The following SMIM36 variants were observed in gnomAD, a reference collection of about 807,000 sequenced individuals.
SMIM36 encodes the protein small integral membrane protein 36.
intron 4 of SMIM36, among the ~76,000 whole-genome samples, chr17:55,463,627 AAG>A (rs1378693845): frequency 5.9e-5 from 9 of 152,220 alleles, no homozygotes; most frequent in Admixed American, 5.9e-4. Flanking sequence ...TACTGAGAAT[AAG>A]AGGGGACTAC....
chr17:55,530,782 C>A, the SMIM36 span, among the ~76,000 whole-genome samples: 1 of 149,678 alleles, frequency 6.7e-6, no homozygotes. Context: ...GACTCCGCCT[C>A]AAAAAAAAAT....
At chr17:55,465,032 G>C (rs1429541130) in intron 4 of SMIM36, among the ~76,000 whole-genome samples, 2 of 152,198 alleles carry the variant, frequency 1.3e-5, no homozygotes, top group African/African-American at 2.4e-5. Flanking sequence ...GAGCTGCCGG[G>C]AAATACCAAG....
intron 3 of SMIM36, chr17:55,468,475 C>G (rs1392677536): frequency 1.3e-5 from 2 of 153,204 alleles, no homozygotes; most frequent in Non-Finnish European, 2.9e-5. Context: ...TTTGGGAAGA[C>G]AGCCTTCCGT....
At chr17:55,456,112 G>A (rs1909015982) in intron 4 of SMIM36, among the ~76,000 whole-genome samples, 1 of 47,504 alleles carries the variant, frequency 2.1e-5, no homozygotes, top group Non-Finnish European at 3.6e-5. Context: ...GTGCAAAACT[G>A]TCTCAAAAAA....
intron 1 of SMIM36, among the ~76,000 whole-genome samples, chr17:55,486,605 C>G (rs1174935359): frequency 2.0e-5 from 3 of 152,140 alleles, no homozygotes; most frequent in Non-Finnish European, 4.4e-5. Context: ...CTAATAAGCA[C>G]TCAGGTGATT....
In SMIM36 at chr17:55,484,977, T is replaced by C. The variant is rs80341416; in HGVS notation, c.*175-5397A>G. Among the ~76,000 whole-genome samples the C allele has an allele frequency of 1.4e-3, 220 of 152,358 alleles. 8 individuals carry two copies. In the East Asian group the frequency reaches 0.033, roughly 23 times the overall value. On this transcript the variant is annotated intron_variant, in intron 1 of 4. Coordinates refer to ENST00000636752, the Ensembl canonical transcript of SMIM36. ...TCTGATTTCAACTATTAGGGAAATA[T>C]GCTGCCATTGACTGGGTTTAGCTGA...
intron 1 of SMIM36, among the ~76,000 whole-genome samples, chr17:55,495,605 T>C (rs889098982): frequency 6.6e-5 from 10 of 151,074 alleles, no homozygotes; most frequent in Admixed American, 2.6e-4. Context: ...CTGGGCAACA[T>C]AGTGAGAACC....
upstream of SMIM36, among the ~76,000 whole-genome samples, chr17:55,512,665 A>G (rs975705087): frequency 3.3e-5 from 5 of 152,354 alleles, 1 homozygote; most frequent in Admixed American, 3.3e-4. Context: ...AAGAGCTCAC[A>G]CTTGGTTTAA....
exon 4 of SMIM36, chr17:55,467,323 C>T (rs1909256431): frequency 6.6e-6 from 1 of 152,112 alleles, no homozygotes; most frequent in Non-Finnish European, 1.5e-5. Context: ...CAGTCAGTTC[C>T]ATCACCTATA....
At chr17:55,526,869 T>C in the SMIM36 span, 1 of 152,220 alleles carries the variant, frequency 6.6e-6, no homozygotes, top group Non-Finnish European at 1.5e-5. Context: ...ATGCATTTGC[T>C]GGAATTATCT....
intron 1 of SMIM36, among the ~76,000 whole-genome samples, chr17:55,488,573 T>G (rs914456538): frequency 1.8e-4 from 28 of 152,228 alleles, no homozygotes; most frequent in African/African-American, 6.0e-4. Flanking sequence ...TTTACTATTA[T>G]GTGATTATTA....
chr17:55,456,101 A>T (rs1909015729), intron 4 of SMIM36, among the ~76,000 whole-genome samples: 1 of 141,650 alleles, frequency 7.1e-6, no homozygotes, highest in East Asian at 2.1e-4. Flanking sequence ...CTGGGCAACA[A>T]GTGCAAAACT....
At chr17:55,501,395 T>G (rs180734289) in intron 1 of SMIM36, among the ~76,000 whole-genome samples, 2 of 21,790 alleles carry the variant, frequency 9.2e-5, no homozygotes, top group African/African-American at 1.7e-4. Flanking sequence ...TATAATATAT[T>G]ATATATTATT....
At chr17:55,460,774 C>T (rs1255409177) in intron 4 of SMIM36, among the ~76,000 whole-genome samples, 1 of 152,120 alleles carries the variant, frequency 6.6e-6, no homozygotes, top group Non-Finnish European at 1.5e-5. Flanking sequence ...AGGAGAATGG[C>T]GTGAACCCAG....
At chr17:55,459,362 T>G (rs1598446926) in intron 4 of SMIM36, among the ~76,000 whole-genome samples, 1 of 152,236 alleles carries the variant, frequency 6.6e-6, no homozygotes, top group African/African-American at 2.4e-5. Context: ...ATTTTTTTTG[T>G]TGTTGTTCAA....
At chr17:55,530,582 A>G in the SMIM36 span, among the ~76,000 whole-genome samples, 1 of 152,208 alleles carries the variant, frequency 6.6e-6, no homozygotes, top group Non-Finnish European at 1.5e-5. Context: ...CAGGAGTTTG[A>G]GAACAGCCTG....
the SMIM36 span, among the ~76,000 whole-genome samples, chr17:55,529,822 C>T: frequency 4.7e-5 from 7 of 149,188 alleles, no homozygotes; most frequent in African/African-American, 1.5e-4. Flanking sequence ...AAAACAAACA[C>T]ATTTTATATA....
At chr17:55,528,738 C>T in the SMIM36 span, among the ~76,000 whole-genome samples, 2 of 151,804 alleles carry the variant, frequency 1.3e-5, no homozygotes, top group Non-Finnish European at 2.9e-5. Context: ...TTAGTAGAGA[C>T]AGGGGTCTTA....
chr17:55,493,317 G>C (rs1909745312), intron 1 of SMIM36, among the ~76,000 whole-genome samples: 1 of 152,118 alleles, frequency 6.6e-6, no homozygotes, highest in African/African-American at 2.4e-5. Flanking sequence ...AGTGAAGCTA[G>C]TGCCTCCTAG....
Sources: gnomAD v4.1 joint callset for allele counts (sites outside exome capture counted in the v4.1 genomes callset) on GRCh38, gnomAD v4.1.1 for gene constraint, MANE v1.5 for transcripts, NCBI Gene and HGNC (gene_info 2026-07-23, HGNC 2026-07-21) for gene names.